The following KAZN variants were observed in gnomAD, a reference collection of about 807,000 sequenced individuals.
The protein encoded by KAZN is kazrin, periplakin interacting protein, also known as kazrin.
In KAZN, 40 loss-of-function variants were observed where a neutral mutation model predicts 87.4. That is an observed-to-expected ratio of 0.46 (90% CI 0.36 to 0.60). The LOEUF is 0.60. KAZN is among the 20% of genes least tolerant of loss of function. KAZN has a pLI of 0.00. For synonymous variants in KAZN, 466 were observed against 458.3 expected (o/e 1.02, Z -0.22); for missense variants, 898 against 1,073.9 (o/e 0.84, Z 2.29).
At chr1:14,425,897 C>A (rs1053556591) in intron 2 of KAZN, among the ~76,000 whole-genome samples, 2 of 152,206 alleles carry the variant, frequency 1.3e-5, no homozygotes, top group African/African-American at 2.4e-5. Flanking sequence ...CCCAGGTGCA[C>A]TCAACACATT....
Position 14,711,246 on chromosome 1 carries a change from C to T in KAZN, c.226+112023C>T, listed in dbSNP as rs150153754. Reference sequence around the variant, plus strand: ...AATGAGCCAGGCATGGCAGCATGCACCTGTAGTCCCAGCCACTTGGGAGGC... The same window carrying T: ...AATGAGCCAGGCATGGCAGCATGCATCTGTAGTCCCAGCCACTTGGGAGGC... On this transcript the variant is annotated intron_variant, in intron 1 of 14. Coordinates refer to ENST00000376030, the MANE Select transcript of KAZN (RefSeq NM_201628.3). Among the ~76,000 whole-genome samples the T allele has an allele frequency of 5.5e-3, 841 of 151,826 alleles. 3 individuals carry two copies. Among genetic ancestry groups the T allele is most frequent in the South Asian group, 0.024 (113 of 4,792 alleles).
At chr1:14,753,401 C>T (rs1188653536) in intron 1 of KAZN, among the ~76,000 whole-genome samples, 1 of 151,860 alleles carries the variant, frequency 6.6e-6, no homozygotes, top group East Asian at 1.9e-4. Flanking sequence ...TGCTTCTTTC[C>T]ATTCCCAGTT....
intron 1 of KAZN, among the ~76,000 whole-genome samples, chr1:14,121,170 A>G (rs1449747883): frequency 6.6e-6 from 1 of 152,202 alleles, no homozygotes; most frequent in African/African-American, 2.4e-5. Context: ...TTTATCAAGG[A>G]ATTTTAATTG....
intron 8 of KAZN, among the ~76,000 whole-genome samples, chr1:15,093,563 A>G (rs1640654519): frequency 6.6e-6 from 1 of 152,158 alleles, no homozygotes. Context: ...GCATTTTTAC[A>G]TAAGGTAACA....
At chr1:15,011,042 A>T (rs977333339) in intron 2 of KAZN, among the ~76,000 whole-genome samples, 1 of 152,256 alleles carries the variant, frequency 6.6e-6, no homozygotes, top group African/African-American at 2.4e-5. Flanking sequence ...GAAAAGTCAG[A>T]TAACCCAAAT....
At chr1:14,299,387 C>T (rs1654365535) in intron 2 of KAZN, among the ~76,000 whole-genome samples, 1 of 152,084 alleles carries the variant, frequency 6.6e-6, no homozygotes, top group Non-Finnish European at 1.5e-5. Flanking sequence ...CCTGTAATCG[C>T]ATCTACCTGG....
chr1:14,893,199 C>A (rs1032111062), intron 1 of KAZN, among the ~76,000 whole-genome samples: 2 of 152,110 alleles, frequency 1.3e-5, no homozygotes, highest in Non-Finnish European at 2.9e-5. Context: ...AACCCTGTCT[C>A]TACTAAAAAT....
chr1:14,076,541 C>G (rs1322759178), intron 1 of KAZN, among the ~76,000 whole-genome samples: 1 of 152,128 alleles, frequency 6.6e-6, no homozygotes, highest in Non-Finnish European at 1.5e-5. Flanking sequence ...TTTAAGCCAC[C>G]TAGTCTGTGG....
At chr1:14,824,784 G>T (rs1386299625) in intron 1 of KAZN, among the ~76,000 whole-genome samples, 1 of 152,178 alleles carries the variant, frequency 6.6e-6, no homozygotes, top group Non-Finnish European at 1.5e-5. Flanking sequence ...TACGGTATTT[G>T]CAGCCTTCTT....
At chr1:13,969,980 A>G (rs575392738) in intron 1 of KAZN, among the ~76,000 whole-genome samples, 1 of 152,344 alleles carries the variant, frequency 6.6e-6, no homozygotes, top group South Asian at 2.1e-4. Context: ...TAGTTTGCTA[A>G]AGGCACAGGC....
At chr1:14,738,928 G>A (rs1396041379) in intron 1 of KAZN, among the ~76,000 whole-genome samples, 4 of 152,112 alleles carry the variant, frequency 2.6e-5, no homozygotes, top group African/African-American at 4.8e-5. Context: ...ATCCCAGCAC[G>A]GTGGGAGGCC....
intron 1 of KAZN, among the ~76,000 whole-genome samples, chr1:13,998,131 T>C (rs2101131939): frequency 6.6e-6 from 1 of 152,282 alleles, no homozygotes; most frequent in Non-Finnish European, 1.5e-5. Flanking sequence ...CTAAGCTTCA[T>C]AAGCAAAGGA....
chr1:14,283,678 C>G (rs1018868391), intron 2 of KAZN, among the ~76,000 whole-genome samples: 1 of 152,158 alleles, frequency 6.6e-6, no homozygotes, highest in African/African-American at 2.4e-5. Flanking sequence ...AACAATCTGC[C>G]AGTCCCTTGA....
chr1:14,297,403 T>C (rs1299330044), intron 2 of KAZN, among the ~76,000 whole-genome samples: 1 of 152,212 alleles, frequency 6.6e-6, no homozygotes, highest in Non-Finnish European at 1.5e-5. Context: ...TATCACTTGG[T>C]CACTCCCTGG....
At chr1:14,455,272 G>A (rs1284239780) in intron 2 of KAZN, among the ~76,000 whole-genome samples, 4 of 152,140 alleles carry the variant, frequency 2.6e-5, no homozygotes, top group Admixed American at 6.5e-5. Flanking sequence ...CATGTCCTGA[G>A]AGTATCATCT....
At chr1:13,917,753 C>T (rs541252614) in intron 1 of KAZN, among the ~76,000 whole-genome samples, 12 of 135,664 alleles carry the variant, frequency 8.8e-5, no homozygotes, top group Non-Finnish European at 1.5e-4. Flanking sequence ...GCTGTGTTTA[C>T]ACGACAGCAC....
chr1:14,502,593 T>C (rs1436977263), intron 2 of KAZN, among the ~76,000 whole-genome samples: 1 of 152,166 alleles, frequency 6.6e-6, no homozygotes, highest in Non-Finnish European at 1.5e-5. Context: ...TGTTATCTTC[T>C]GGCAAACGGT....
intron 2 of KAZN, among the ~76,000 whole-genome samples, chr1:14,402,265 A>G (rs1238006772): frequency 6.6e-6 from 1 of 151,814 alleles, no homozygotes; most frequent in Non-Finnish European, 1.5e-5. Context: ...TCGATGTTAT[A>G]GGAAAAATAG....
At chr1:14,457,880 C>T (rs1667655799) in intron 2 of KAZN, among the ~76,000 whole-genome samples, 1 of 149,644 alleles carries the variant, frequency 6.7e-6, no homozygotes, top group Admixed American at 6.7e-5. Flanking sequence ...TGCAGTGGTG[C>T]AATCTCGGCT....
Sources: gnomAD v4.1 joint callset for allele counts (sites outside exome capture counted in the v4.1 genomes callset) on GRCh38, gnomAD v4.1.1 for gene constraint, MANE v1.5 for transcripts, NCBI Gene and HGNC (gene_info 2026-07-23, HGNC 2026-07-21) for gene names.